LYPLAL1: variants seen among roughly 807,000 people sequenced by gnomAD.
The protein encoded by LYPLAL1 is lysophospholipase like 1.
Under a neutral mutation model 19.7 loss-of-function variants are expected in LYPLAL1, and 23 were observed. The ratio of observed to expected loss-of-function variants is 1.17; its 90% CI spans 0.84 to 1.65. The LOEUF is 1.65. LYPLAL1 is among the 40% of genes most tolerant of loss of function. LYPLAL1 has a pLI of 0.00. For missense variants in LYPLAL1, 355 were observed against 279.4 expected, an observed-to-expected ratio of 1.27 and a Z score of -1.93; for synonymous variants, 119 against 96.3, an observed-to-expected ratio of 1.24 and a Z score of -1.38.
the LYPLAL1 span, among the ~76,000 whole-genome samples, chr1:219,427,124 A>T: frequency 6.6e-6 from 1 of 152,244 alleles, no homozygotes; most frequent in Non-Finnish European, 1.5e-5. Flanking sequence ...ATGTGGTCCT[A>T]TGGACTTTCT....
chr1:219,299,945 A>G, the LYPLAL1 span, among the ~76,000 whole-genome samples: 2 of 152,162 alleles, frequency 1.3e-5, no homozygotes, highest in East Asian at 1.9e-4. Context: ...GTGGGACTCA[A>G]CCTACCAGGG....
chr1:219,349,854 G>A, the LYPLAL1 span, among the ~76,000 whole-genome samples: 1 of 152,146 alleles, frequency 6.6e-6, no homozygotes, highest in African/African-American at 2.4e-5. Context: ...CTCTCACTGT[G>A]TATGTTTATC....
the LYPLAL1 span, among the ~76,000 whole-genome samples, chr1:219,254,543 GT>G: frequency 6.6e-6 from 1 of 152,102 alleles, no homozygotes; most frequent in African/African-American, 2.4e-5. Context: ...AGGAAGCTTA[GT>G]TTAACTGGAT....
chr1:219,412,084 T>A, the LYPLAL1 span: 5 of 152,288 alleles, frequency 3.3e-5, no homozygotes, highest in East Asian at 9.6e-4. Flanking sequence ...GCTGTCACTC[T>A]GTCAGGCAGG....
At chr1:219,427,947 G>C in the LYPLAL1 span, among the ~76,000 whole-genome samples, 5 of 152,124 alleles carry the variant, frequency 3.3e-5, no homozygotes, top group African/African-American at 9.7e-5. Context: ...ACCATGATGG[G>C]TCTGCCTGGG....
At chr1:219,427,811 C>T in the LYPLAL1 span, among the ~76,000 whole-genome samples, 1 of 152,128 alleles carries the variant, frequency 6.6e-6, no homozygotes, top group Admixed American at 6.5e-5. Context: ...CCAGAAATGG[C>T]CAAGTTTTCC....
the LYPLAL1 span, among the ~76,000 whole-genome samples, chr1:219,231,587 G>T: frequency 6.6e-6 from 1 of 151,922 alleles, no homozygotes; most frequent in African/African-American, 2.4e-5. Flanking sequence ...ACTAGTAAAC[G>T]GTAGAAAATG....
chr1:219,326,637 G>T, the LYPLAL1 span, among the ~76,000 whole-genome samples: 1 of 152,078 alleles, frequency 6.6e-6, no homozygotes, highest in Non-Finnish European at 1.5e-5. Context: ...CCTCCTTGGC[G>T]CCTTTCCTGT....
downstream of LYPLAL1, among the ~76,000 whole-genome samples, chr1:219,214,742 G>A (rs1572223440): frequency 7.1e-6 from 1 of 140,532 alleles, no homozygotes; most frequent in African/African-American, 2.6e-5. Context: ...GTCTACTAGA[G>A]TACAGTGGCG....
the LYPLAL1 span, among the ~76,000 whole-genome samples, chr1:219,408,623 G>C: frequency 6.0e-4 from 92 of 152,138 alleles, 2 homozygotes; most frequent in South Asian, 0.018. Context: ...GGGCTGGGGG[G>C]GTGGTTCGAG....
chr1:219,233,565 C>G, the LYPLAL1 span, among the ~76,000 whole-genome samples: 2 of 152,066 alleles, frequency 1.3e-5, no homozygotes, highest in South Asian at 4.1e-4. Flanking sequence ...CCCAGGAGTT[C>G]AAGATCAACT....
the LYPLAL1 span, among the ~76,000 whole-genome samples, chr1:219,357,725 GCCTACA>G: frequency 6.6e-6 from 1 of 152,090 alleles, no homozygotes; most frequent in African/African-American, 2.4e-5. Flanking sequence ...GAAAACTTGT[GCCTACA>G]CAAGATCTGA....
At chr1:219,193,057 T>TC in intron 2 of LYPLAL1, 25 bp from the exon 3 acceptor site, 7 of 1,340,776 alleles carry the variant, frequency 5.2e-6, no homozygotes, top group Non-Finnish European at 6.9e-6. Flanking sequence ...TTCTTTTTTT[T>TC]TGGGGGGGGG....
At chr1:219,197,329 C>A (rs1657687200) in intron 3 of LYPLAL1, among the ~76,000 whole-genome samples, 1 of 152,124 alleles carries the variant, frequency 6.6e-6, no homozygotes, top group African/African-American at 2.4e-5. Context: ...GACCTCACAT[C>A]TACAACCATC....
chr1:219,189,080 C>A (rs1313295556), intron 2 of LYPLAL1, among the ~76,000 whole-genome samples: 2 of 151,668 alleles, frequency 1.3e-5, no homozygotes, highest in South Asian at 2.1e-4. Context: ...TAGTAACATA[C>A]TTACATTGGG....
the LYPLAL1 span, among the ~76,000 whole-genome samples, chr1:219,237,819 T>C: frequency 2.0e-5 from 3 of 152,210 alleles, no homozygotes; most frequent in Admixed American, 2.0e-4. Context: ...TCTCTTCACC[T>C]GTCCCACAGT....
At chr1:219,294,486 A>G in the LYPLAL1 span, among the ~76,000 whole-genome samples, 1 of 152,172 alleles carries the variant, frequency 6.6e-6, no homozygotes, top group African/African-American at 2.4e-5. Context: ...CTGCTCCCTT[A>G]CTTATCTCTG....
the LYPLAL1 span, among the ~76,000 whole-genome samples, chr1:219,239,445 A>G: frequency 1.3e-5 from 2 of 152,222 alleles, no homozygotes; most frequent in Admixed American, 1.3e-4. Flanking sequence ...GACCAGAAAT[A>G]TGAAGATACT....
chr1:219,317,159 G>A, the LYPLAL1 span, among the ~76,000 whole-genome samples: 1 of 152,104 alleles, frequency 6.6e-6, no homozygotes, highest in Non-Finnish European at 1.5e-5. Context: ...TTTCTCACTA[G>A]AGTGGCTGTT....
Sources: gnomAD v4.1 joint callset for allele counts (sites outside exome capture counted in the v4.1 genomes callset) on GRCh38, gnomAD v4.1.1 for gene constraint, MANE v1.5 for transcripts, NCBI Gene and HGNC (gene_info 2026-07-23, HGNC 2026-07-21) for gene names.